RAP1A: variants seen among roughly 807,000 people sequenced by gnomAD.
RAP1A encodes the protein ras-related protein Rap-1A.
RAP1A carries 6 observed loss-of-function variants against 26.4 expected under a neutral mutation model. That is an observed-to-expected ratio of 0.23 (90% CI 0.12 to 0.45). RAP1A has a LOEUF of 0.45. Ranked by LOEUF, RAP1A falls within the 20% of genes least tolerant of loss-of-function variation. The probability of loss-of-function intolerance (pLI) is 0.99; values close to 1 mark genes in which losing one functional copy is unlikely to be tolerated. For synonymous variants in RAP1A, 73 were observed against 79.4 expected (o/e 0.92, Z 0.43); for missense variants, 121 against 217.2 (o/e 0.56, Z 2.78).
intron 1 of RAP1A, among the ~76,000 whole-genome samples, chr1:111,555,223 G>C (rs1657435357): frequency 6.6e-6 from 1 of 151,790 alleles, no homozygotes; most frequent in African/African-American, 2.4e-5. Context: ...AAAACTAGCT[G>C]AGTGTGGTGG....
chr1:111,552,667 G>A (rs1234979101), intron 1 of RAP1A, among the ~76,000 whole-genome samples: 2 of 152,100 alleles, frequency 1.3e-5, no homozygotes, highest in African/African-American at 2.4e-5. Context: ...GGCCTTGAGA[G>A]GCAATTTATT....
At chr1:111,579,097 T>C (rs905816952) in intron 1 of RAP1A, among the ~76,000 whole-genome samples, 1 of 152,196 alleles carries the variant, frequency 6.6e-6, no homozygotes, top group African/African-American at 2.4e-5. Flanking sequence ...TCCTAGTGTT[T>C]AGCAGTCCCA....
intron 1 of RAP1A, among the ~76,000 whole-genome samples, chr1:111,644,053 C>T (rs995973572): frequency 2.6e-5 from 4 of 152,130 alleles, no homozygotes; most frequent in Non-Finnish European, 5.9e-5. Context: ...ACGATAATCT[C>T]CTTAAAGTCA....
At chr1:111,652,248 A>T (rs1660298872) in intron 1 of RAP1A, among the ~76,000 whole-genome samples, 1 of 152,238 alleles carries the variant, frequency 6.6e-6, no homozygotes, top group African/African-American at 2.4e-5. Context: ...TGCTGGGATT[A>T]TAGGCCTGAC....
At chr1:111,669,758 C>A (rs1316114957) in intron 1 of RAP1A, among the ~76,000 whole-genome samples, 1 of 152,134 alleles carries the variant, frequency 6.6e-6, no homozygotes, top group Non-Finnish European at 1.5e-5. Flanking sequence ...AAGGAGATTA[C>A]AATTAGAATT....
intron 1 of RAP1A, among the ~76,000 whole-genome samples, chr1:111,593,652 C>CTTTTTTTTTTTTTTTTT (rs994763442): frequency 1.5e-5 from 1 of 65,378 alleles, no homozygotes; most frequent in African/African-American, 6.2e-5. Context: ...ATGACTCCTA[C>CTTTTTTTTTTTTTTTTT]TTTTTTTTTT....
chr1:111,547,795 G>A (rs1470167023), intron 1 of RAP1A, among the ~76,000 whole-genome samples: 1 of 152,196 alleles, frequency 6.6e-6, no homozygotes, highest in Admixed American at 6.5e-5. Flanking sequence ...CAGGAGCATT[G>A]TCATGGTGGA....
At chr1:111,649,161 A>G in intron 1 of RAP1A, 1 of 556,814 alleles carries the variant, frequency 1.8e-6, no homozygotes, top group East Asian at 4.6e-5. Flanking sequence ...ATTTAAGAAG[A>G]TCTGAGCTCT....
At chr1:111,687,417 A>G (rs896400092) in intron 1 of RAP1A, among the ~76,000 whole-genome samples, 1 of 152,092 alleles carries the variant, frequency 6.6e-6, no homozygotes, top group African/African-American at 2.4e-5. Context: ...CATGTTGGCC[A>G]TGCTGGTCTC....
chr1:111,619,643 C>T (rs536323898), upstream of RAP1A: 30 of 390,704 alleles, frequency 7.7e-5, no homozygotes, highest in African/African-American at 5.8e-4. Context: ...TTCCCGGCTC[C>T]AGTGTGCGCG....
intron 6 of RAP1A, 30 bp from the exon 7 acceptor site, chr1:111,709,119 G>A (rs1357789755): frequency 1.3e-6 from 2 of 1,597,144 alleles, no homozygotes; most frequent in South Asian, 1.1e-5. Flanking sequence ...AACTGGTGGA[G>A]TAAGTACTTT....
Position 111,584,269 on chromosome 1 carries a change from AG to A in RAP1A, c.-28+41761del, listed in dbSNP as rs1658319871. 3.9e-5 allele frequency among the ~76,000 whole-genome samples: 6 copies of A among 152,186 alleles called. No homozygotes were observed. The South Asian group carries it at 1.2e-3, about 31-fold the overall frequency. ...TGTACCACAGATTAATTTTACCACC[AG>A]AAAAGGCCAAATCTCCCTGTCTGTT... is the stretch of plus-strand genomic sequence containing the variant. On this transcript the variant is annotated intron_variant, in intron 1 of 7. Coordinates refer to the RAP1A transcript ENST00000356415.
intron 1 of RAP1A, among the ~76,000 whole-genome samples, chr1:111,674,055 G>C (rs1661052651): frequency 6.6e-6 from 1 of 152,128 alleles, no homozygotes; most frequent in Admixed American, 6.5e-5. Context: ...TCTTTCCCTA[G>C]TTTCTGTTGC....
intron 1 of RAP1A, among the ~76,000 whole-genome samples, chr1:111,586,251 C>T (rs1658362933): frequency 6.6e-6 from 1 of 152,106 alleles, no homozygotes; most frequent in Admixed American, 6.5e-5. Flanking sequence ...CCAATAGTGT[C>T]CTTAACTGAA....
chr1:111,654,520 T>C (rs115715923), intron 1 of RAP1A, among the ~76,000 whole-genome samples: 1 of 152,204 alleles, frequency 6.6e-6, no homozygotes, highest in Non-Finnish European at 1.5e-5. Context: ...GTGAGTTTTG[T>C]TGAGTTATTG....
At chr1:111,622,191 A>G (rs539203553) in intron 1 of RAP1A, among the ~76,000 whole-genome samples, 72 of 152,280 alleles carry the variant, frequency 4.7e-4, no homozygotes, top group African/African-American at 1.7e-3. Context: ...TGATTTCCAC[A>G]CAGCAGCTAC....
intron 7 of RAP1A, among the ~76,000 whole-genome samples, chr1:111,711,813 TTTTATATGTCCCA>T (rs2101319355): frequency 6.6e-6 from 1 of 152,338 alleles, no homozygotes; most frequent in African/African-American, 2.4e-5. Flanking sequence ...TTAATCTCCT[TTTTATATGTCCCA>T]GTTTTAAAGA....
At chr1:111,629,394 T>C (rs1571509568) in intron 1 of RAP1A, among the ~76,000 whole-genome samples, 1 of 152,142 alleles carries the variant, frequency 6.6e-6, no homozygotes, top group Non-Finnish European at 1.5e-5. Context: ...TAGCCAGAGA[T>C]TGATATTAAT....
chr1:111,588,781 A>G (rs1658424015), intron 1 of RAP1A, among the ~76,000 whole-genome samples: 1 of 152,206 alleles, frequency 6.6e-6, no homozygotes, highest in African/African-American at 2.4e-5. Context: ...CTCTATTATC[A>G]TTAATGATTT....
Sources: gnomAD v4.1 joint callset for allele counts (sites outside exome capture counted in the v4.1 genomes callset) on GRCh38, gnomAD v4.1.1 for gene constraint, MANE v1.5 for transcripts, NCBI Gene and HGNC (gene_info 2026-07-23, HGNC 2026-07-21) for gene names.